Variants in ADAMTS19 observed in about 807,000 individuals in gnomAD.
ADAMTS19 encodes A disintegrin and metalloproteinase with thrombospondin motifs 19.
A neutral mutation model predicts 153.3 loss-of-function variants in ADAMTS19; 93 were observed. That is an observed-to-expected ratio of 0.61 (90% CI 0.51 to 0.72). The LOEUF is 0.72. ADAMTS19 is among the 30% of genes least tolerant of loss of function. ADAMTS19 has a pLI of 0.00. For missense variants in ADAMTS19, 1,482 were observed against 1,552.1 expected (o/e 0.95, Z 0.76); for synonymous variants, 600 against 556.6 (o/e 1.08, Z -1.10).
rs137855572 is a variant in ADAMTS19, at chr5:129,564,567, A to G, written c.1372+12660A>G. 4.6e-4 allele frequency among the ~76,000 whole-genome samples: 70 copies of G among 152,336 alleles called. No homozygotes were observed. The East Asian group carries it at 0.013, about 29-fold the overall frequency. On this transcript the variant is annotated intron_variant, in intron 7 of 22. Coordinates refer to ENST00000274487, the MANE Select transcript of ADAMTS19 (RefSeq NM_133638.6). ...AAGAGATTTTCATTTATCATATCCG[A>G]TGAGACAGTAAAACAGCAAAAGGAT...
chr5:129,720,150 A>ATG (rs1756922363), intron 21 of ADAMTS19, among the ~76,000 whole-genome samples: 1 of 74,408 alleles, frequency 1.3e-5, no homozygotes, highest in African/African-American at 5.0e-5. Context: ...GTGTGTATGT[A>ATG]TATATATATA....
At chr5:129,535,073 G>T (rs1355560287) in intron 6 of ADAMTS19, among the ~76,000 whole-genome samples, 1 of 152,130 alleles carries the variant, frequency 6.6e-6, no homozygotes, top group Non-Finnish European at 1.5e-5. Flanking sequence ...GGACAGTCAG[G>T]CAGGAGAAGG....
rs753363024 is a variant in ADAMTS19 at position 129,641,974 on chromosome 5, G to A, written c.1872+14G>A. The A allele has an allele frequency of 1.3e-6, 2 of 1,538,812 alleles. No homozygotes were observed. Among genetic ancestry groups the A allele is most frequent in the Non-Finnish European group, 1.8e-6 (2 of 1,128,000 alleles). Reference sequence around the variant, plus strand: ...GACCTTGGTAAGGTAAGTCATTTGTGTTGTCTGAATTTAATGAGCATACTA... The same window carrying A: ...GACCTTGGTAAGGTAAGTCATTTGTATTGTCTGAATTTAATGAGCATACTA... On this transcript the variant is annotated intron_variant, in intron 11 of 22. Transcript: ENST00000274487.
At chr5:129,561,927 T>C (rs1753539692) in intron 7 of ADAMTS19, among the ~76,000 whole-genome samples, 1 of 152,154 alleles carries the variant, frequency 6.6e-6, no homozygotes, top group Non-Finnish European at 1.5e-5. Context: ...TGAGAAGCTG[T>C]CAAGCTCATG....
intron 6 of ADAMTS19, among the ~76,000 whole-genome samples, chr5:129,534,130 G>T (rs1581050257): frequency 6.6e-6 from 1 of 152,048 alleles, no homozygotes; most frequent in Non-Finnish European, 1.5e-5. Flanking sequence ...ATAGAGCTGA[G>T]TCCAATTCCT....
chr5:129,690,925 T>A (rs780519337), intron 18 of ADAMTS19, among the ~76,000 whole-genome samples: 2 of 152,190 alleles, frequency 1.3e-5, no homozygotes, highest in Non-Finnish European at 2.9e-5. Context: ...TTTTAGAATG[T>A]TAAATAATGT....
chr5:129,641,824 C>A, intron 10 of ADAMTS19, 35 bp from the exon 11 acceptor site: 1 of 1,385,092 alleles, frequency 7.2e-7, no homozygotes, highest in Non-Finnish European at 1.0e-6. Flanking sequence ...AATGTGATAC[C>A]TTCCCCTTAT....
At chr5:129,481,346 GA>G (rs1750402970) in intron 2 of ADAMTS19, among the ~76,000 whole-genome samples, 2 of 152,034 alleles carry the variant, frequency 1.3e-5, no homozygotes, top group South Asian at 4.2e-4. Flanking sequence ...CAGCGTGGGG[GA>G]AACCACCCCC....
At chr5:129,522,841 A>G (rs1194322741) in intron 3 of ADAMTS19, among the ~76,000 whole-genome samples, 2 of 152,100 alleles carry the variant, frequency 1.3e-5, no homozygotes, top group African/African-American at 4.8e-5. Flanking sequence ...AGATCATCTG[A>G]GGTCAGGAGT....
intron 7 of ADAMTS19, among the ~76,000 whole-genome samples, chr5:129,574,523 A>G (rs193179303): frequency 6.6e-6 from 1 of 152,066 alleles, no homozygotes; most frequent in East Asian, 1.9e-4. Context: ...GAGAACATGC[A>G]ATGTTTGGTT....
chr5:129,564,610 A>T (rs1753640695), intron 7 of ADAMTS19, among the ~76,000 whole-genome samples: 1 of 152,214 alleles, frequency 6.6e-6, no homozygotes, highest in East Asian at 1.9e-4. Flanking sequence ...GGATTTTGGA[A>T]GGACTTAATA....
intron 8 of ADAMTS19, among the ~76,000 whole-genome samples, chr5:129,601,570 T>C (rs1038522457): frequency 6.6e-6 from 1 of 152,170 alleles, no homozygotes. Flanking sequence ...GTGGTTTTGC[T>C]CATGGTTACA....
chr5:129,568,938 AAAT>A (rs1753804880), intron 7 of ADAMTS19, among the ~76,000 whole-genome samples: 1 of 152,120 alleles, frequency 6.6e-6, no homozygotes, highest in South Asian at 2.1e-4. Flanking sequence ...TCAACAAAAA[AAAT>A]AATAAAATGT....
intron 21 of ADAMTS19, among the ~76,000 whole-genome samples, chr5:129,705,056 C>A (rs1171648434): frequency 6.6e-6 from 1 of 152,102 alleles, no homozygotes; most frequent in Non-Finnish European, 1.5e-5. Flanking sequence ...AGATAAAATT[C>A]TGATCATTTT....
chr5:129,617,960 A>G (rs1479370874), intron 8 of ADAMTS19, among the ~76,000 whole-genome samples: 2 of 152,052 alleles, frequency 1.3e-5, no homozygotes, highest in African/African-American at 4.8e-5. Flanking sequence ...GAGGATCATT[A>G]TGGTCTGTCT....
intron 7 of ADAMTS19, among the ~76,000 whole-genome samples, chr5:129,571,212 A>G (rs578174766): frequency 6.6e-6 from 1 of 152,040 alleles, no homozygotes; most frequent in East Asian, 1.9e-4. Flanking sequence ...GGTTAGCAGA[A>G]TCAAAGAATA....
chr5:129,660,035 A>T (rs993978245), intron 15 of ADAMTS19, among the ~76,000 whole-genome samples: 16 of 152,356 alleles, frequency 1.1e-4, no homozygotes, highest in African/African-American at 3.4e-4. Context: ...TGTTTGAGTA[A>T]TCGAGAAAAC....
chr5:129,605,326 A>G (rs1338715758), intron 8 of ADAMTS19, among the ~76,000 whole-genome samples: 1 of 152,158 alleles, frequency 6.6e-6, no homozygotes, highest in Non-Finnish European at 1.5e-5. Context: ...ATAGCCTGTC[A>G]TTCCCTTCTT....
chr5:129,712,712 G>T (rs755124859), intron 21 of ADAMTS19, among the ~76,000 whole-genome samples: 1 of 152,038 alleles, frequency 6.6e-6, no homozygotes, highest in Non-Finnish European at 1.5e-5. Flanking sequence ...AAGTACATTG[G>T]CTGATATGAT....
Sources: gnomAD v4.1 joint callset for allele counts (sites outside exome capture counted in the v4.1 genomes callset) on GRCh38, gnomAD v4.1.1 for gene constraint, MANE v1.5 for transcripts, NCBI Gene and HGNC (gene_info 2026-07-23, HGNC 2026-07-21) for gene names.